The following PTDSS1 variants were observed in gnomAD, a reference collection of about 807,000 sequenced individuals.
The protein encoded by PTDSS1 is phosphatidylserine synthase 1.
Under a neutral mutation model 70.5 loss-of-function variants are expected in PTDSS1, and 45 were observed. The ratio of observed to expected loss-of-function variants is 0.64; its 90% CI spans 0.50 to 0.82. The LOEUF (loss-of-function observed/expected upper bound fraction) is 0.82. Among genes scored for constraint, PTDSS1 ranks in the 40% least tolerant of loss-of-function variants. PTDSS1 has a pLI of 0.00. For synonymous variants in PTDSS1, 188 were observed against 203.8 expected, an observed-to-expected ratio of 0.92 and a Z score of 0.66; for missense variants, 417 against 586.1, an observed-to-expected ratio of 0.71 and a Z score of 2.98.
rs770330296 is a variant in PTDSS1, at chr8:96,287,128, A to C, written c.423A>C (p.Thr141=). 1.2e-6 allele frequency: 2 copies of C among 1,614,224 alleles called. No homozygotes were observed. The highest frequency in any genetic ancestry group is 2.2e-5 in the South Asian group (2 of 91,088). Residue 141 remains threonine (T), a synonymous_variant, in exon 4 of 13, where the codon ACA becomes ACC. Coordinates refer to ENST00000517309, the MANE Select transcript of PTDSS1 (RefSeq NM_014754.3). The part of the protein sequence containing the change: ...YWLDPNLRYA[T]READVMEYAV... Reference sequence around the variant, plus strand: ...TAGATCCAAATCTTCGATACGCCACAAGGGAAGCAGATGTCATGGTATGTA... The same window carrying C: ...TAGATCCAAATCTTCGATACGCCACCAGGGAAGCAGATGTCATGGTATGTA...
chr8:96,266,625 C>T (rs1810491781), intron 1 of PTDSS1, among the ~76,000 whole-genome samples: 1 of 152,192 alleles, frequency 6.6e-6, no homozygotes, highest in Non-Finnish European at 1.5e-5. Flanking sequence ...TGTTCCTTCT[C>T]TCCCAGCAAC....
rs1415647804 is a variant in PTDSS1 at position 96,279,872 on chromosome 8, T to TG, written c.272-4236dup. Among the ~76,000 whole-genome samples the TG allele has an allele frequency of 2.0e-5, 3 of 152,122 alleles. No homozygotes were observed. The East Asian group carries it at 5.8e-4, about 29-fold the overall frequency. ...AAATAAATTTTCTTTTCCTTAGGTT[T>TG]GAAAGTTGCCTAGAGATCATTTTTT... On this transcript the variant is annotated intron_variant, in intron 2 of 12. Coordinates refer to ENST00000517309, the MANE Select transcript of PTDSS1 (RefSeq NM_014754.3).
At chr8:96,264,531 G>T (rs1001773187) in intron 1 of PTDSS1, among the ~76,000 whole-genome samples, 1 of 152,170 alleles carries the variant, frequency 6.6e-6, no homozygotes, top group Non-Finnish European at 1.5e-5. Context: ...TTCATCTTAG[G>T]TGTGGGCTTG....
chr8:96,333,687 C>A lies in PTDSS1; in HGVS notation c.*121C>A. 2 of 898,194 alleles carry A rather than the reference C, an allele frequency of 2.2e-6. No homozygotes were observed. The highest frequency in any genetic ancestry group is 3.7e-6 in the Non-Finnish European group (2 of 546,456). 55.6% of individuals were successfully genotyped at this position (898,194 alleles called of 1,614,324 possible). On this transcript the variant is annotated 3_prime_UTR_variant, in exon 13 of 13. Coordinates refer to ENST00000517309, the MANE Select transcript of PTDSS1 (RefSeq NM_014754.3). ...GGGCAAGCAGGAAGAGGCGAGGGCA[C>A]TTGGGGGTCATTATTTGAGATCGTA...
At chr8:96,320,968 TA>T (rs1199865027) in intron 10 of PTDSS1, among the ~76,000 whole-genome samples, 1 of 152,256 alleles carries the variant, frequency 6.6e-6, no homozygotes, top group Non-Finnish European at 1.5e-5. Flanking sequence ...ACACATTTTG[TA>T]ACTGCCATTC....
chr8:96,313,107 T>TGG (rs1811235670), intron 9 of PTDSS1, among the ~76,000 whole-genome samples: 1 of 152,208 alleles, frequency 6.6e-6, no homozygotes, highest in Admixed American at 6.5e-5. Context: ...CCTGGGGTTC[T>TGG]TTCCCAGCAC....
intron 9 of PTDSS1, among the ~76,000 whole-genome samples, chr8:96,313,377 A>G (rs1269999881): frequency 6.6e-6 from 1 of 152,198 alleles, no homozygotes; most frequent in Non-Finnish European, 1.5e-5. Context: ...TAGATGTCAC[A>G]TGATGTTCCT....
At position 96,312,464 on chromosome 8, in the gene PTDSS1, T is replaced by C. The variant is rs1319938571; in HGVS notation, c.1073+2842T>C. 3.8e-4 allele frequency among the ~76,000 whole-genome samples: 48 copies of C among 126,298 alleles called. 1 individual carries two copies. Among genetic ancestry groups the C allele is most frequent in the Middle Eastern group, 4.1e-3 (1 of 244 alleles). The allele number at this position is 126,298 out of a possible 152,430, so 82.9% of individuals were successfully genotyped here. A position where few individuals can be genotyped will look rare whatever the true frequency, so the allele number is the denominator to read the frequency against. ...ACAGAGCAAGACCCTGTCTCTCTCTTTTTTTTTTTTTTTAAAAAAAAAAGG... is the reference window on the plus strand; with the variant it reads ...ACAGAGCAAGACCCTGTCTCTCTCTCTTTTTTTTTTTTTAAAAAAAAAAGG... On this transcript the variant is annotated intron_variant, in intron 9 of 12. Transcript: ENST00000517309.
Position 96,334,363 on chromosome 8 carries a change from A to G in PTDSS1, c.*797A>G, listed in dbSNP as rs1050177. 1 of 152,788 alleles carries G rather than the reference A, an allele frequency of 6.5e-6. No individual in the cohort carries two copies. Among genetic ancestry groups the G allele is most frequent in the Non-Finnish European group, 1.5e-5 (1 of 68,164 alleles). 9.5% of individuals were successfully genotyped at this position (152,788 alleles called of 1,614,324 possible). A position where few individuals can be genotyped will look rare whatever the true frequency, so the allele number is the denominator to read the frequency against. ...TGAACACCACAGCTTCTCCCCAGCT[A>G]GGTGCCTTTTACATCGGGTTTGTTC... On this transcript the variant is annotated 3_prime_UTR_variant, in exon 13 of 13. Transcript: ENST00000517309.
At chr8:96,280,056 A>T (rs930043562) in intron 2 of PTDSS1, among the ~76,000 whole-genome samples, 2 of 152,118 alleles carry the variant, frequency 1.3e-5, no homozygotes, top group African/African-American at 4.8e-5. Flanking sequence ...TATTTCCCTA[A>T]GGTGAAGTCC....
chr8:96,298,072 T>C (rs1563572911), intron 5 of PTDSS1, among the ~76,000 whole-genome samples: 1 of 152,182 alleles, frequency 6.6e-6, no homozygotes. Flanking sequence ...CAAATATGTG[T>C]CATTGACTTC....
chr8:96,295,051 T>G, intron 4 of PTDSS1, 47 bp from the exon 5 acceptor site: 1 of 1,530,760 alleles, frequency 6.5e-7, no homozygotes, highest in East Asian at 2.3e-5. Flanking sequence ...TGGAAGCAAG[T>G]TGATTTCTAG....
At chr8:96,330,355 G>T in intron 11 of PTDSS1, 74 bp downstream of exon 11, 1 of 1,388,244 alleles carries the variant, frequency 7.2e-7, no homozygotes, top group East Asian at 2.3e-5. Flanking sequence ...CTCAGAGCAC[G>T]TGCCTGTAAG....
intron 9 of PTDSS1, among the ~76,000 whole-genome samples, chr8:96,312,009 A>G (rs1338147724): frequency 6.6e-6 from 1 of 152,220 alleles, no homozygotes; most frequent in Non-Finnish European, 1.5e-5. Flanking sequence ...AGGTCCTATT[A>G]TTCTGCTGTG....
At chr8:96,312,233 T>A (rs1014899105) in intron 9 of PTDSS1, among the ~76,000 whole-genome samples, 3 of 152,226 alleles carry the variant, frequency 2.0e-5, no homozygotes, top group Admixed American at 1.3e-4. Context: ...GGAGGATCGC[T>A]TGACGCCCGG....
chr8:96,327,387 G>A (rs990440651), intron 10 of PTDSS1, among the ~76,000 whole-genome samples: 4 of 152,160 alleles, frequency 2.6e-5, no homozygotes, highest in Non-Finnish European at 4.4e-5. Flanking sequence ...GACGTCGCCC[G>A]AAAAGAGGCC....
At chr8:96,263,375 G>C (rs1289712694) in intron 1 of PTDSS1, among the ~76,000 whole-genome samples, 2 of 151,862 alleles carry the variant, frequency 1.3e-5, no homozygotes, top group Non-Finnish European at 2.9e-5. Context: ...TGGCTTAAAA[G>C]GCCAACTTAG....
intron 5 of PTDSS1, 127 bp from the exon 6 acceptor site, chr8:96,299,567 C>A: frequency 9.6e-7 from 1 of 1,043,114 alleles, no homozygotes; most frequent in Non-Finnish European, 1.4e-6. Flanking sequence ...ATTTTCTGTA[C>A]ATTAGGAAAA....
intron 4 of PTDSS1, among the ~76,000 whole-genome samples, chr8:96,290,084 G>C (rs1357941748): frequency 1.3e-5 from 2 of 152,110 alleles, no homozygotes; most frequent in African/African-American, 2.4e-5. Flanking sequence ...TTTTACAGGG[G>C]AGGAGATGGA....
Sources: gnomAD v4.1 joint callset for allele counts (sites outside exome capture counted in the v4.1 genomes callset) on GRCh38, gnomAD v4.1.1 for gene constraint, MANE v1.5 for transcripts, NCBI Gene and HGNC (gene_info 2026-07-23, HGNC 2026-07-21) for gene names.